The following LEKR1 variants were observed in gnomAD, a reference collection of about 807,000 sequenced individuals.
LEKR1 encodes the protein protein LEKR1.
LEKR1 carries 59 observed loss-of-function variants against 72.4 expected under a neutral mutation model. That is an observed-to-expected ratio of 0.82 (90% CI 0.66 to 1.01). The LOEUF is 1.01. Among genes scored for constraint, LEKR1 ranks in the 50% least tolerant of loss-of-function variants. The probability of loss-of-function intolerance (pLI) is 0.00; values close to 1 mark genes in which losing one functional copy is unlikely to be tolerated. For synonymous variants in LEKR1, 257 were observed against 263.2 expected (o/e 0.98, Z 0.23); for missense variants, 728 against 759.2 (o/e 0.96, Z 0.48).
intron 3 of LEKR1, among the ~76,000 whole-genome samples, chr3:156,890,474 A>G (rs1301677622): frequency 2.0e-5 from 3 of 152,226 alleles, no homozygotes; most frequent in African/African-American, 7.2e-5. Context: ...GTGATTTACT[A>G]CTTTGTGAAT....
chr3:157,028,535 C>A, intron 12 of LEKR1, 133 bp downstream of exon 12: 1 of 734,294 alleles, frequency 1.4e-6, no homozygotes, highest in Non-Finnish European at 2.2e-6. Flanking sequence ...TAAATCACAT[C>A]CTGGTGCTCT....
At chr3:156,973,815 G>A (rs6762708) in intron 6 of LEKR1, among the ~76,000 whole-genome samples, 128,625 of 152,078 alleles carry the variant, frequency 0.85, 54,573 homozygotes, top group African/African-American at 0.92. Flanking sequence ...AGTTAAACCA[G>A]AGACACTACT....
intron 6 of LEKR1, among the ~76,000 whole-genome samples, chr3:156,948,023 A>C (rs1488201128): frequency 6.6e-6 from 1 of 151,176 alleles, no homozygotes; most frequent in East Asian, 1.9e-4. Context: ...CTTTAAGATG[A>C]TTTCATTCAC....
chr3:157,033,359 G>A (rs985229526), intron 12 of LEKR1, among the ~76,000 whole-genome samples: 2 of 152,186 alleles, frequency 1.3e-5, no homozygotes, highest in Non-Finnish European at 2.9e-5. Context: ...GTTCTTGAAG[G>A]CAATAAAAGT....
At chr3:156,915,801 T>C (rs930970491) in intron 3 of LEKR1, among the ~76,000 whole-genome samples, 1 of 152,234 alleles carries the variant, frequency 6.6e-6, no homozygotes, top group Non-Finnish European at 1.5e-5. Flanking sequence ...ATTGTTGTGA[T>C]TGCTTTTGAT....
intron 3 of LEKR1, among the ~76,000 whole-genome samples, chr3:156,866,446 A>T (rs1279857553): frequency 6.6e-6 from 1 of 152,028 alleles, no homozygotes; most frequent in African/African-American, 2.4e-5. Context: ...TACTGTGAGG[A>T]TGAGCATGAC....
At chr3:156,859,942 G>C (rs1323093625) in intron 3 of LEKR1, among the ~76,000 whole-genome samples, 2 of 152,154 alleles carry the variant, frequency 1.3e-5, no homozygotes, top group African/African-American at 2.4e-5. Context: ...GTCTATGGCT[G>C]TTGGTGGTTC....
chr3:156,861,604 G>A (rs1716768156), intron 3 of LEKR1, among the ~76,000 whole-genome samples: 1 of 152,030 alleles, frequency 6.6e-6, no homozygotes, highest in African/African-American at 2.4e-5. Flanking sequence ...TAGGAACATG[G>A]GAAAGGCAGG....
chr3:157,042,654 A>C (rs1033110789), intron 12 of LEKR1, among the ~76,000 whole-genome samples: 22 of 152,042 alleles, frequency 1.4e-4, no homozygotes, highest in Admixed American at 1.4e-3. Context: ...TTGAGACTTG[A>C]ATTTAATCTT....
chr3:157,015,040 C>A (rs1285302594), intron 10 of LEKR1, among the ~76,000 whole-genome samples: 1 of 152,140 alleles, frequency 6.6e-6, no homozygotes, highest in Non-Finnish European at 1.5e-5. Flanking sequence ...AGATATTGGA[C>A]ATCAGGCAAT....
intron 7 of LEKR1, among the ~76,000 whole-genome samples, chr3:156,986,777 T>C (rs1730725502): frequency 6.6e-6 from 1 of 152,228 alleles, no homozygotes; most frequent in Non-Finnish European, 1.5e-5. Flanking sequence ...GTGCACAAGA[T>C]ACATAATGTG....
intron 6 of LEKR1, chr3:156,977,454 G>A (rs909757692): frequency 2.1e-6 from 1 of 483,412 alleles, no homozygotes; most frequent in South Asian, 1.6e-5. Context: ...AATGAACTCA[G>A]TGCCCACCCC....
intron 3 of LEKR1, among the ~76,000 whole-genome samples, chr3:156,876,263 G>A (rs1718565113): frequency 6.6e-6 from 1 of 152,168 alleles, no homozygotes; most frequent in Admixed American, 6.5e-5. Flanking sequence ...GTTGGGTAAT[G>A]TGATGTCTTC....
At chr3:157,023,426 A>C (rs548712376) in intron 10 of LEKR1, among the ~76,000 whole-genome samples, 17 of 152,308 alleles carry the variant, frequency 1.1e-4, no homozygotes, top group South Asian at 8.3e-4. Flanking sequence ...GTGCTGTCTG[A>C]AAATGGAAAT....
chr3:156,904,657 A>AATATAT (rs147716367), intron 3 of LEKR1, among the ~76,000 whole-genome samples: 16 of 144,630 alleles, frequency 1.1e-4, no homozygotes, highest in African/African-American at 3.8e-4. Context: ...TCATATAGCA[A>AATATAT]ATATATATAT....
chr3:156,980,169 G>T (rs1308062909), intron 7 of LEKR1: 2 of 151,952 alleles, frequency 1.3e-5, no homozygotes, highest in South Asian at 4.2e-4. Context: ...ATGATTTTCA[G>T]TTCCTATATT....
intron 3 of LEKR1, among the ~76,000 whole-genome samples, chr3:156,867,420 A>G (rs1717437047): frequency 6.6e-6 from 1 of 152,076 alleles, no homozygotes; most frequent in South Asian, 2.1e-4. Flanking sequence ...GATTTGAGTC[A>G]TTAGGTTGGT....
Position 156,927,494 on chromosome 3 carries a change from G to C in LEKR1, c.449G>C (p.Arg150Thr), listed in dbSNP as rs1190597730. Residue 150 changes from arginine (R) to threonine (T), a missense_variant, in exon 5 of 13, where the codon AGG (arginine) becomes ACG (threonine). Transcript: ENST00000356539. ...CTTTCATTACTTACTTTTACTAAAA[G>C]GGAACTAACCAGTATTAAAAATGAA... ...KTLSLLTFTKRELTSIKNEVY... is the reference protein window; with the variant it reads ...KTLSLLTFTKTELTSIKNEVY... The C allele has an allele frequency of 4.2e-6, 5 of 1,188,978 alleles. No individual in the cohort carries two copies. The highest frequency in any genetic ancestry group is 1.7e-5 in the African/African-American group (1 of 60,554). The allele number at this position is 1,188,978 out of a possible 1,614,324, so 73.7% of individuals were successfully genotyped here.
At chr3:156,845,768 C>G (rs1316000553) in intron 2 of LEKR1, among the ~76,000 whole-genome samples, 2 of 152,036 alleles carry the variant, frequency 1.3e-5, no homozygotes, top group Non-Finnish European at 2.9e-5. Context: ...GTGATTCCCC[C>G]CACTTTATTC....
Sources: allele counts gnomAD v4.1 joint callset (sites outside exome capture counted in the v4.1 genomes callset), GRCh38; gene constraint gnomAD v4.1.1; transcripts MANE v1.5; gene names NCBI Gene and HGNC (gene_info 2026-07-23, HGNC 2026-07-21).